Variants in FBXO6 observed in about 807,000 individuals in gnomAD.
The protein encoded by FBXO6 is F-box protein 6.
Under a neutral mutation model 25.0 loss-of-function variants are expected in FBXO6, and 13 were observed. The ratio of observed to expected loss-of-function variants is 0.52; its 90% CI spans 0.34 to 0.83. FBXO6 has a LOEUF of 0.83. Among genes scored for constraint, FBXO6 ranks in the 40% least tolerant of loss-of-function variants. The pLI, the probability that FBXO6 is intolerant of heterozygous loss-of-function variation, is 0.02. For missense variants in FBXO6, 370 were observed against 380.2 expected, an observed-to-expected ratio of 0.97 and a Z score of 0.22; for synonymous variants, 138 against 155.3, an observed-to-expected ratio of 0.89 and a Z score of 0.83.
chr1:11,671,801 G>A, intron 3 of FBXO6, 127 bp from the exon 4 acceptor site: 2 of 807,866 alleles, frequency 2.5e-6, no homozygotes, highest in South Asian at 1.5e-5. Context: ...CTGTCCCGCA[G>A]CGGCCAAGGG....
chr1:11,665,477 G>C (rs1274761100), intron 1 of FBXO6, among the ~76,000 whole-genome samples: 1 of 149,504 alleles, frequency 6.7e-6, no homozygotes, highest in African/African-American at 2.5e-5. Context: ...GGACGGTCTC[G>C]ATCTCCTAAC....
At chr1:11,668,490 C>A (rs1640508578) in intron 1 of FBXO6, among the ~76,000 whole-genome samples, 166 bp from the exon 2 acceptor site, 1 of 151,880 alleles carries the variant, frequency 6.6e-6, no homozygotes, top group Non-Finnish European at 1.5e-5. Context: ...CTTGAATTCC[C>A]AGGCTCAAGG....
intron 1 of FBXO6, among the ~76,000 whole-genome samples, chr1:11,666,871 G>C (rs1172654650): frequency 1.3e-5 from 2 of 152,112 alleles, no homozygotes; most frequent in Non-Finnish European, 2.9e-5. Flanking sequence ...CAAAAGGCTG[G>C]GTACAGTGGC....
chr1:11,673,857 G>A lies in FBXO6; in HGVS notation c.*6G>A. On this transcript the variant is annotated 3_prime_UTR_variant, in exon 6 of 6. Coordinates refer to ENST00000376753, the MANE Select transcript of FBXO6 (RefSeq NM_018438.6). The surrounding 1 kb of genome is among the most constrained non-coding windows in gnomAD (Gnocchi z 4.3). The stretch of plus-strand genomic sequence containing the variant: ...CTGTTGTCCAGATTTTCTGACAGCT[G>A]TCCATCCTGTGTCTGGGTCAGCCAG... The A allele has an allele frequency of 6.2e-7, 1 of 1,613,660 alleles. No homozygotes were observed. The highest frequency in any genetic ancestry group is 8.5e-7 in the Non-Finnish European group (1 of 1,179,648).
chr1:11,665,500 C>T (rs1361567284), intron 1 of FBXO6, among the ~76,000 whole-genome samples: 1 of 150,624 alleles, frequency 6.6e-6, no homozygotes, highest in Non-Finnish European at 1.5e-5. Context: ...CGTGATCCGC[C>T]CACCTCGGCC....
At chr1:11,672,235 C>G (rs1640638520) in intron 4 of FBXO6, among the ~76,000 whole-genome samples, 1 of 152,250 alleles carries the variant, frequency 6.6e-6, no homozygotes, top group African/African-American at 2.4e-5. Context: ...GACACAGTAG[C>G]CCCAGTGTGC....
chr1:11,669,695 TAC>T (rs1453570246), intron 2 of FBXO6, among the ~76,000 whole-genome samples: 49 of 138,798 alleles, frequency 3.5e-4, no homozygotes, highest in African/African-American at 1.4e-3. Context: ...TACGTATATA[TAC>T]ATATGTATAC....
intron 1 of FBXO6, among the ~76,000 whole-genome samples, chr1:11,665,215 CTTTT>C (rs541103021): frequency 2.1e-3 from 127 of 61,556 alleles, no homozygotes; most frequent in Non-Finnish European, 2.6e-3. Context: ...TAGCTAATTT[CTTTT>C]TTTTTTTTTT....
Position 11,673,496 on chromosome 1 carries a change from G to T in FBXO6, c.645+84G>T. On this transcript the variant is annotated intron_variant, in intron 5 of 5. Coordinates refer to ENST00000376753, the MANE Select transcript of FBXO6 (RefSeq NM_018438.6). This position sits in a 1 kb window ranked among gnomAD's most constrained non-coding sequence, Gnocchi z 4.3. Reference sequence around the variant, plus strand: ...AGCAAAGGGCAGCCTCAGGGCCCAGGGTGCCCCTGCTGGCCTGGAGCTGTT... The same window carrying T: ...AGCAAAGGGCAGCCTCAGGGCCCAGTGTGCCCCTGCTGGCCTGGAGCTGTT... 1.3e-6 allele frequency: 2 copies of T among 1,584,312 alleles called. No homozygotes were observed. The highest frequency in any genetic ancestry group is 8.6e-7 in the Non-Finnish European group (1 of 1,162,186).
chr1:11,673,693 T>C lies in FBXO6; in HGVS notation c.724T>C (p.Trp242Arg). 1 of 1,614,072 alleles carries C rather than the reference T, an allele frequency of 6.2e-7. No homozygotes were observed. The highest frequency in any genetic ancestry group is 1.1e-5 in the South Asian group (1 of 91,078). ...GCATGGGGGCAGGGACACCCAGTACTGGGCAGGCTGGTATGGGCCCCGAGT... is the reference window on the plus strand; with the variant it reads ...GCATGGGGGCAGGGACACCCAGTACCGGGCAGGCTGGTATGGGCCCCGAGT... ...FQHGGRDTQY[W>R]AGWYGPRVTN... Residue 242 changes from tryptophan (W) to arginine (R), a missense_variant, in exon 6 of 6, where the codon TGG becomes CGG. By Grantham distance (101) the Trp-to-Arg change is moderately radical. Transcript: ENST00000376753. The surrounding 1 kb of genome is among the most constrained non-coding windows in gnomAD (Gnocchi z 4.3).
intron 2 of FBXO6, among the ~76,000 whole-genome samples, chr1:11,669,601 C>T (rs1640547993): frequency 6.9e-6 from 1 of 145,496 alleles, no homozygotes; most frequent in Admixed American, 6.7e-5. Flanking sequence ...TACACACACA[C>T]ACATATGTAT....
rs534766322 is a variant in FBXO6, at chr1:11,671,878, G to A, written c.414-50G>A. The A allele has an allele frequency of 1.1e-4, 163 of 1,513,632 alleles. 1 individual carries two copies. The South Asian group carries it at 1.3e-3, about 12-fold the overall frequency. 93.8% of individuals were successfully genotyped at this position (1,513,632 alleles called of 1,614,324 possible). ...CTGCCAAGGCCTGGGTGAGGGGGGG[G>A]GCCATGCAGAGCACACCCAGGTATG... On this transcript the variant is annotated intron_variant, in intron 3 of 5. Coordinates refer to ENST00000376753, the MANE Select transcript of FBXO6 (RefSeq NM_018438.6).
rs780663319 is a variant in FBXO6, at chr1:11,668,847, C to T, written c.189C>T (p.Phe63=). ...AACGCAAGTGCCTGCGAGAGGGCTT[C>T]ATCACCAAGGACTGGGACCAGCCCG... ...LWKRKCLREG[F]ITKDWDQPVA... The change falls in exon 2 of 6, where the codon TTC becomes TTT. Residue 63 remains phenylalanine (F), a synonymous_variant. Transcript: ENST00000376753. 16 of 1,614,074 alleles carry T rather than the reference C, an allele frequency of 9.9e-6. No homozygotes were observed. The highest frequency in any genetic ancestry group is 1.1e-5 in the Non-Finnish European group (13 of 1,180,042).
At position 11,664,275 on chromosome 1, in the gene FBXO6, G is replaced by A. The variant is rs1041435254; in HGVS notation, c.-4+20G>A. 1.3e-5 allele frequency: 2 copies of A among 152,164 alleles called. No individual in the cohort carries two copies. Among genetic ancestry groups the A allele is most frequent in the African/African-American group, 4.8e-5 (2 of 41,442 alleles). 9.4% of individuals were successfully genotyped at this position (152,164 alleles called of 1,614,324 possible). A position where few individuals can be genotyped will look rare whatever the true frequency, so the allele number is the denominator to read the frequency against. ...TCCCAGGTTCGTCTTCCCGCGGCGA[G>A]GGTTAGGGGCCGGGCCGAGAGGGAC... is the stretch of plus-strand genomic sequence containing the variant. On this transcript the variant is annotated intron_variant, in intron 1 of 5. Transcript: ENST00000376753.
At position 11,673,692 on chromosome 1, in the gene FBXO6, C is replaced by CT; in HGVS notation, c.724dup (p.Trp242LeufsTer95). Reference sequence around the variant, plus strand: ...AGCATGGGGGCAGGGACACCCAGTACTGGGCAGGCTGGTATGGGCCCCGAG... The same window carrying CT: ...AGCATGGGGGCAGGGACACCCAGTACTTGGGCAGGCTGGTATGGGCCCCGAG... On this transcript the variant is annotated frameshift_variant, in exon 6 of 6. Coordinates refer to ENST00000376753, the MANE Select transcript of FBXO6 (RefSeq NM_018438.6). LOFTEE classifies it low-confidence loss of function (END_TRUNC). This position sits in a 1 kb window ranked among gnomAD's most constrained non-coding sequence, Gnocchi z 4.3. 6.2e-7 allele frequency: 1 copy of CT among 1,614,122 alleles called. No homozygotes were observed. The highest frequency in any genetic ancestry group is 1.1e-5 in the South Asian group (1 of 91,080).
Position 11,674,056 on chromosome 1 carries a change from G to A in FBXO6, c.*205G>A. ...ACTGTGGCTCACGCCTGTAATCCCA[G>A]CACTTTGGGAGACCGAGGCAGGTGG... On this transcript the variant is annotated 3_prime_UTR_variant, in exon 6 of 6. Transcript: ENST00000376753. This position sits in a 1 kb window ranked among gnomAD's most constrained non-coding sequence, Gnocchi z 6.1. 1.8e-6 allele frequency: 1 copy of A among 553,940 alleles called. No homozygotes were observed. 34.3% of individuals were successfully genotyped at this position (553,940 alleles called of 1,614,324 possible). A position where few individuals can be genotyped will look rare whatever the true frequency, so the allele number is the denominator to read the frequency against.
intron 2 of FBXO6, among the ~76,000 whole-genome samples, chr1:11,670,682 C>A (rs1002755035): frequency 2.6e-5 from 4 of 151,532 alleles, no homozygotes; most frequent in Non-Finnish European, 5.9e-5. Flanking sequence ...GTCTTGAACT[C>A]CTGGGTTCAA....
At chr1:11,672,132 T>C in intron 4 of FBXO6, 109 bp downstream of exon 4, 2 of 1,004,400 alleles carry the variant, frequency 2.0e-6, no homozygotes, top group Non-Finnish European at 3.0e-6. Flanking sequence ...AGCAGTGCCC[T>C]GGAGCCAGGT....
At chr1:11,667,246 A>C (rs1640466886) in intron 1 of FBXO6, among the ~76,000 whole-genome samples, 1 of 151,906 alleles carries the variant, frequency 6.6e-6, no homozygotes, top group Non-Finnish European at 1.5e-5. Context: ...GATGAGGCCC[A>C]CCTGAGTGAC....
Sources: allele counts gnomAD v4.1 joint callset (sites outside exome capture counted in the v4.1 genomes callset), GRCh38; gene constraint gnomAD v4.1.1; non-coding constraint Gnocchi (gnomAD v3.1); transcripts MANE v1.5; gene names NCBI Gene and HGNC (gene_info 2026-07-23, HGNC 2026-07-21).